The following SGCD variants were observed in gnomAD, a reference collection of about 807,000 sequenced individuals.
SGCD encodes sarcoglycan delta.
In SGCD, 18 loss-of-function variants were observed where a neutral mutation model predicts 36.6. That is an observed-to-expected ratio of 0.49 (90% CI 0.34 to 0.73). The LOEUF (loss-of-function observed/expected upper bound fraction) is 0.73. Among genes scored for constraint, SGCD ranks in the 30% least tolerant of loss-of-function variants. The probability of loss-of-function intolerance (pLI) is 0.01; values close to 1 mark genes in which losing one functional copy is unlikely to be tolerated. For missense variants in SGCD, 387 were observed against 346.7 expected (o/e 1.12, Z -0.92); for synonymous variants, 133 against 130.6 (o/e 1.02, Z -0.12).
the SGCD span, among the ~76,000 whole-genome samples, chr5:155,829,341 A>G: frequency 2.9e-4 from 44 of 152,278 alleles, no homozygotes; most frequent in African/African-American, 9.6e-4. Flanking sequence ...TTGTTTTGAA[A>G]ACTCGTGAAG....
At chr5:156,250,742 T>C (rs1382287356) in intron 3 of SGCD, among the ~76,000 whole-genome samples, 1 of 152,192 alleles carries the variant, frequency 6.6e-6, no homozygotes, top group East Asian at 1.9e-4. Flanking sequence ...GACACAGAAC[T>C]GTCAGTTGGG....
intron 1 of SGCD, among the ~76,000 whole-genome samples, chr5:155,956,299 A>T (rs4704889): frequency 0.26 from 39,292 of 151,824 alleles, 6,011 homozygotes; most frequent in Admixed American, 0.4. Context: ...GCTGGCTTGT[A>T]CAAAACTAGA....
intron 1 of SGCD, among the ~76,000 whole-genome samples, chr5:155,887,738 G>A (rs1756041272): frequency 6.6e-6 from 1 of 152,054 alleles, no homozygotes. Context: ...TCTGTTAATG[G>A]TATCATCATT....
chr5:155,991,530 G>A (rs1758432282), intron 1 of SGCD, among the ~76,000 whole-genome samples: 1 of 152,162 alleles, frequency 6.6e-6, no homozygotes, highest in Admixed American at 6.5e-5. Context: ...AAGCTCAGAA[G>A]GGAGAAGGAA....
intron 1 of SGCD, among the ~76,000 whole-genome samples, chr5:155,952,692 C>T (rs1757570483): frequency 6.6e-6 from 1 of 152,144 alleles, no homozygotes; most frequent in African/African-American, 2.4e-5. Flanking sequence ...ACCGTCAGCC[C>T]CTAAAGATAG....
chr5:156,476,876 A>T (rs917274022), intron 3 of SGCD, among the ~76,000 whole-genome samples: 2 of 152,188 alleles, frequency 1.3e-5, no homozygotes, highest in Non-Finnish European at 2.9e-5. Context: ...CATCTAAGTC[A>T]CAGGTTTGTC....
intron 2 of SGCD, among the ~76,000 whole-genome samples, chr5:156,119,612 A>G (rs1385882488): frequency 6.6e-6 from 1 of 152,082 alleles, no homozygotes; most frequent in African/African-American, 2.4e-5. Flanking sequence ...CATTAGATAC[A>G]TTTGGATCCA....
intron 6 of SGCD, among the ~76,000 whole-genome samples, chr5:156,605,316 T>C (rs879906204): frequency 4.6e-5 from 7 of 152,192 alleles, no homozygotes; most frequent in Admixed American, 1.3e-4. Flanking sequence ...TTTTTTGTCC[T>C]TGCAATAGTT....
chr5:155,753,334 T>TCAAAAAAAAAAAAA, the SGCD span, among the ~76,000 whole-genome samples: 9 of 135,838 alleles, frequency 6.6e-5, 1 homozygote, highest in African/African-American at 3.2e-4. Context: ...AGACTTTGTC[T>TCAAAAAAAAAAAAA]AAAAAAAAAA....
chr5:156,467,473 C>T (rs1305394917), intron 3 of SGCD, among the ~76,000 whole-genome samples: 1 of 152,066 alleles, frequency 6.6e-6, no homozygotes, highest in African/African-American at 2.4e-5. Flanking sequence ...CTCAATGTTC[C>T]CAGAAACACC....
rs565184088 is a variant in SGCD, at chr5:156,735,093, C to G, written c.576-22488C>G. On this transcript the variant is annotated intron_variant, in intron 7 of 8. Coordinates refer to ENST00000337851, the MANE Select transcript of SGCD (RefSeq NM_000337.6). The stretch of plus-strand genomic sequence containing the variant: ...CAGTTTGCTGGGGATCCACTCCAGT[C>G]CCTAATCACCTCAGATTTTCCAGTA... Among the ~76,000 whole-genome samples the G allele has an allele frequency of 3.3e-4, 50 of 152,278 alleles. No homozygotes were observed. In the South Asian group the frequency reaches 9.9e-3, roughly 30 times the overall value.
intron 1 of SGCD, among the ~76,000 whole-genome samples, chr5:156,044,244 G>A (rs1313632805): frequency 6.6e-6 from 1 of 152,082 alleles, no homozygotes; most frequent in East Asian, 1.9e-4. Flanking sequence ...CAAGCCTAGG[G>A]CTTTGAGCAC....
chr5:156,406,790 TTA>T lies in SGCD; in HGVS notation c.192+62142_192+62143del, dbSNP rs200600544. On this transcript the variant is annotated intron_variant, in intron 3 of 8. Coordinates refer to ENST00000337851, the MANE Select transcript of SGCD (RefSeq NM_000337.6). The stretch of plus-strand genomic sequence containing the variant: ...AGAGGGACAGAACTAATAGGAGATT[TTA>T]TATATATATATATATATATATATAT... 4.5e-4 allele frequency among the ~76,000 whole-genome samples: 34 copies of T among 75,662 alleles called. No homozygotes were observed. The South Asian group carries it at 9.5e-3, about 21-fold the overall frequency. 49.6% of individuals were successfully genotyped at this position (75,662 alleles called of 152,430 possible).
intron 3 of SGCD, among the ~76,000 whole-genome samples, chr5:156,257,430 C>A (rs181930918): frequency 6.6e-6 from 1 of 151,812 alleles, no homozygotes; most frequent in Admixed American, 6.6e-5. Context: ...GCAGAGATGG[C>A]GACAATGCAC....
At chr5:155,866,739 G>T (rs975165478), upstream of SGCD, among the ~76,000 whole-genome samples, 17 of 152,036 alleles carry the variant, frequency 1.1e-4, no homozygotes, top group African/African-American at 3.9e-4. Flanking sequence ...TAAGCAACTT[G>T]TGTAAGGTCA....
At chr5:156,136,731 GAT>G (rs1453511362) in intron 3 of SGCD, among the ~76,000 whole-genome samples, 1 of 152,126 alleles carries the variant, frequency 6.6e-6, no homozygotes, top group Non-Finnish European at 1.5e-5. Context: ...GACATTTAAT[GAT>G]ATTCAAATCA....
intron 1 of SGCD, among the ~76,000 whole-genome samples, chr5:156,097,251 A>G (rs976204650): frequency 1.3e-5 from 2 of 151,984 alleles, no homozygotes; most frequent in Non-Finnish European, 2.9e-5. Context: ...CTTTCACCAA[A>G]TTTGCAAAGT....
chr5:155,874,602 G>T (rs1470174745), intron 1 of SGCD, among the ~76,000 whole-genome samples: 1 of 152,076 alleles, frequency 6.6e-6, no homozygotes, highest in East Asian at 1.9e-4. Context: ...ATGGGGCAAA[G>T]ATTTTTACAG....
intron 7 of SGCD, among the ~76,000 whole-genome samples, chr5:156,670,809 T>G (rs954317196): frequency 6.6e-6 from 1 of 152,198 alleles, no homozygotes; most frequent in Admixed American, 6.5e-5. Context: ...ATGGGCTATG[T>G]GCCATGTTGG....
Sources: gnomAD v4.1 joint callset for allele counts (sites outside exome capture counted in the v4.1 genomes callset) on GRCh38, gnomAD v4.1.1 for gene constraint, MANE v1.5 for transcripts, NCBI Gene and HGNC (gene_info 2026-07-23, HGNC 2026-07-21) for gene names.